Variants in TSPAN11 observed in about 807,000 individuals in gnomAD.
The protein encoded by TSPAN11 is tetraspanin-11.
In TSPAN11, 29 loss-of-function variants were observed where a neutral mutation model predicts 32.9. The ratio of observed to expected loss-of-function variants is 0.88; its 90% CI spans 0.66 to 1.20. TSPAN11 has a LOEUF of 1.20. Among genes scored for constraint, TSPAN11 ranks in the 50% most tolerant of loss-of-function variants. The probability of loss-of-function intolerance (pLI) is 0.00; values close to 1 mark genes in which losing one functional copy is unlikely to be tolerated. For missense variants in TSPAN11, 283 were observed against 329.1 expected (o/e 0.86, Z 1.08); for synonymous variants, 140 against 141.3 (o/e 0.99, Z 0.07).
At chr12:31,005,430 G>C in the TSPAN11 span, among the ~76,000 whole-genome samples, 1 of 152,184 alleles carries the variant, frequency 6.6e-6, no homozygotes, top group Admixed American at 6.5e-5. Flanking sequence ...CCTACCCCAT[G>C]GGGGGAACAA....
chr12:30,937,181 G>A (rs1159263297), intron 1 of TSPAN11, among the ~76,000 whole-genome samples: 1 of 152,168 alleles, frequency 6.6e-6, no homozygotes, highest in African/African-American at 2.4e-5. Context: ...TTAAGTGGGC[G>A]GTGGAGGAGG....
intron 7 of TSPAN11, among the ~76,000 whole-genome samples, chr12:30,983,436 CAT>C (rs1292478170): frequency 1.3e-5 from 2 of 152,066 alleles, no homozygotes; most frequent in African/African-American, 2.4e-5. Context: ...GCATGCACCC[CAT>C]GTGTGTGCAC....
rs370310545 is a variant in TSPAN11, at chr12:30,961,043, A to AAG, written c.85-2783_85-2782insAG. Among the ~76,000 whole-genome samples, 7 of 151,190 alleles carry AAG rather than the reference A, an allele frequency of 4.6e-5. No individual in the cohort carries two copies. In the East Asian group the frequency reaches 9.7e-4, roughly 21 times the overall value. On this transcript the variant is annotated intron_variant, in intron 2 of 7. Coordinates refer to ENST00000546076, the MANE Select transcript of TSPAN11 (RefSeq NM_001370302.1). ...GACAGAGCGAGGAAAAAAAAAAAAA[A>AAG]GAAAAATGTAGTTATTACCCTCATG...
intron 3 of TSPAN11, among the ~76,000 whole-genome samples, chr12:30,967,419 T>C (rs1261392170): frequency 6.6e-6 from 1 of 152,010 alleles, no homozygotes; most frequent in Non-Finnish European, 1.5e-5. Context: ...CTTCGGGGAG[T>C]CAACAGGCAG....
chr12:30,982,375 A>G lies in TSPAN11; in HGVS notation c.457-157A>G, dbSNP rs1303138783. ...CCCTGGCGTGACCAGCTCTCTGCTC[A>G]AAGCATGGGAAGGGAAAACACATTA... On this transcript the variant is annotated intron_variant, in intron 5 of 7. Coordinates refer to ENST00000546076, the MANE Select transcript of TSPAN11 (RefSeq NM_001370302.1). Among the ~76,000 whole-genome samples, 3 of 151,980 alleles carry G rather than the reference A, an allele frequency of 2.0e-5. No homozygotes were observed. In the East Asian group the frequency reaches 5.8e-4, roughly 29 times the overall value.
the TSPAN11 span, among the ~76,000 whole-genome samples, chr12:31,005,296 C>T: frequency 1.3e-5 from 2 of 152,318 alleles, no homozygotes; most frequent in South Asian, 4.1e-4. Context: ...AAAAGCCTGG[C>T]GAGGTGCTCA....
chr12:30,938,699 G>A (rs1485438699), intron 1 of TSPAN11, among the ~76,000 whole-genome samples: 1 of 152,124 alleles, frequency 6.6e-6, no homozygotes, highest in Non-Finnish European at 1.5e-5. Context: ...CAGATCCTGA[G>A]CTCACCCTGA....
chr12:30,974,242 C>T (rs1248073982), intron 3 of TSPAN11, among the ~76,000 whole-genome samples: 1 of 152,254 alleles, frequency 6.6e-6, no homozygotes, highest in African/African-American at 2.4e-5. Flanking sequence ...AATCAAGTCC[C>T]AGCATCAGCC....
Position 30,974,826 on chromosome 12 carries a change from G to A in TSPAN11, c.277-3735G>A, listed in dbSNP as rs575741168. ...TGAGGAACCGCACGGCAGGCGAAGG[G>A]GAGGGACACAGAGGTGAAGCCCAGT... is the stretch of plus-strand genomic sequence containing the variant. On this transcript the variant is annotated intron_variant, in intron 3 of 7. Transcript: ENST00000546076. Among the ~76,000 whole-genome samples the A allele has an allele frequency of 3.3e-5, 5 of 152,352 alleles. 1 individual carries two copies. In the East Asian group the frequency reaches 5.8e-4, roughly 18 times the overall value.
At chr12:30,927,100 C>CCT in intron 1 of TSPAN11, 1 of 1,162,144 alleles carries the variant, frequency 8.6e-7, no homozygotes, top group Non-Finnish European at 1.1e-6. Flanking sequence ...GAGCTCTGGG[C>CCT]CTCTGAGGGC....
chr12:30,984,132 C>T (rs11051197), intron 7 of TSPAN11, among the ~76,000 whole-genome samples: 4,712 of 152,282 alleles, frequency 0.031, 410 homozygotes, highest in East Asian at 0.24. Context: ...CGCCTGCTTC[C>T]GCTCAGCAGG....
At chr12:30,949,934 C>T (rs1358496543) in intron 1 of TSPAN11, among the ~76,000 whole-genome samples, 3 of 152,096 alleles carry the variant, frequency 2.0e-5, no homozygotes, top group African/African-American at 7.2e-5. Context: ...CCCTCCCCCT[C>T]GCACATCATT....
intron 2 of TSPAN11, chr12:30,954,803 A>AC (rs1444893179): frequency 2.6e-5 from 4 of 152,208 alleles, no homozygotes; most frequent in Non-Finnish European, 2.9e-5. Flanking sequence ...AACTTACCTA[A>AC]CTTCAAGGAA....
the TSPAN11 span, among the ~76,000 whole-genome samples, chr12:31,007,861 C>T: frequency 6.6e-6 from 1 of 152,186 alleles, no homozygotes; most frequent in South Asian, 2.1e-4. Flanking sequence ...TTTCAGTGCC[C>T]CTTGCCCCCA....
At chr12:30,965,586 C>T (rs1474619070) in intron 3 of TSPAN11, among the ~76,000 whole-genome samples, 1 of 152,144 alleles carries the variant, frequency 6.6e-6, no homozygotes, top group African/African-American at 2.4e-5. Context: ...ACACAAATGG[C>T]CACTATTCAC....
intron 2 of TSPAN11, chr12:30,955,059 G>T (rs1938453276): frequency 6.6e-6 from 1 of 152,214 alleles, no homozygotes; most frequent in South Asian, 2.1e-4. Context: ...GGTCTTTCTT[G>T]CAGGGGCTTG....
chr12:30,996,786 T>G (rs1305278074), downstream of TSPAN11, among the ~76,000 whole-genome samples: 1 of 152,170 alleles, frequency 6.6e-6, no homozygotes, highest in Non-Finnish European at 1.5e-5. Context: ...ATCACTGATG[T>G]GTTTGAACTG....
At chr12:30,991,630 A>T (rs1939313890) in intron 7 of TSPAN11, among the ~76,000 whole-genome samples, 1 of 152,192 alleles carries the variant, frequency 6.6e-6, no homozygotes, top group East Asian at 1.9e-4. Flanking sequence ...TGGATAGTAG[A>T]TGGCAGAATG....
At chr12:30,969,725 G>A (rs1938810648) in intron 3 of TSPAN11, among the ~76,000 whole-genome samples, 2 of 152,100 alleles carry the variant, frequency 1.3e-5, no homozygotes, top group African/African-American at 4.8e-5. Context: ...TTGCATTGAT[G>A]GGACTGCCTA....
Sources: gnomAD v4.1 joint callset for allele counts (sites outside exome capture counted in the v4.1 genomes callset) on GRCh38, gnomAD v4.1.1 for gene constraint, MANE v1.5 for transcripts, NCBI Gene and HGNC (gene_info 2026-07-23, HGNC 2026-07-21) for gene names.